FARS2: variants seen among roughly 807,000 people sequenced by gnomAD.
FARS2 encodes phenylalanyl-tRNA synthetase 2, mitochondrial.
In FARS2, 40 loss-of-function variants were observed where a neutral mutation model predicts 46.4. That is an observed-to-expected ratio of 0.86 (90% CI 0.67 to 1.12). The LOEUF (loss-of-function observed/expected upper bound fraction) is 1.12. FARS2 is among the 50% of genes most tolerant of loss of function. The probability of loss-of-function intolerance (pLI) is 0.00; values close to 1 mark genes in which losing one functional copy is unlikely to be tolerated. For missense variants in FARS2, 513 were observed against 567.9 expected, an observed-to-expected ratio of 0.90 and a Z score of 0.98; for synonymous variants, 234 against 214.9, an observed-to-expected ratio of 1.09 and a Z score of -0.78.
At chr6:5,525,181 A>G (rs1769382056) in intron 4 of FARS2, among the ~76,000 whole-genome samples, 1 of 147,098 alleles carries the variant, frequency 6.8e-6, no homozygotes, top group Non-Finnish European at 1.5e-5. Context: ...CATTCTTCCC[A>G]GCAAGCAGAG....
Position 5,710,970 on chromosome 6 carries a change from A to G in FARS2, c.1218-60321A>G, listed in dbSNP as rs552089537. Among the ~76,000 whole-genome samples, 3 of 152,356 alleles carry G rather than the reference A, an allele frequency of 2.0e-5. No individual in the cohort carries two copies. The East Asian group carries it at 5.8e-4, about 29-fold the overall frequency. On this transcript the variant is annotated intron_variant, in intron 6 of 6. Transcript: ENST00000274680. ...CAGCCCTGGACTGAAAGCTGCTAAC[A>G]GCTTAAAAAGCAAGTCTACAAGTCT...
intron 5 of FARS2, among the ~76,000 whole-genome samples, chr6:5,571,229 G>A (rs1772626467): frequency 6.6e-6 from 1 of 152,082 alleles, no homozygotes; most frequent in African/African-American, 2.4e-5. Flanking sequence ...CTATAGAAAT[G>A]TGTAAAACTA....
chr6:5,385,884 C>T (rs1760099743), intron 2 of FARS2, among the ~76,000 whole-genome samples: 1 of 152,142 alleles, frequency 6.6e-6, no homozygotes, highest in Admixed American at 6.5e-5. Context: ...AGATGACTGG[C>T]TTATCCCTGG....
intron 3 of FARS2, among the ~76,000 whole-genome samples, chr6:5,410,311 A>C (rs139972742): frequency 0.026 from 4,007 of 151,570 alleles, 66 homozygotes; most frequent in South Asian, 0.067. Flanking sequence ...GCGCCACCAC[A>C]CCTGGCTACT....
intron 5 of FARS2, among the ~76,000 whole-genome samples, chr6:5,607,765 C>G (rs528135900): frequency 1.3e-5 from 2 of 152,244 alleles, no homozygotes; most frequent in South Asian, 4.2e-4. Context: ...CTTTCATTCC[C>G]TGGGACTGAG....
At chr6:5,341,980 C>T (rs1771691645) in intron 1 of FARS2, among the ~76,000 whole-genome samples, 1 of 152,134 alleles carries the variant, frequency 6.6e-6, no homozygotes, top group Non-Finnish European at 1.5e-5. Context: ...AACTCAGTTT[C>T]TTTGTAAGGA....
At position 5,399,725 on chromosome 6, in the gene FARS2, A is replaced by G. The variant is rs147100212; in HGVS notation, c.613-4817A>G. On this transcript the variant is annotated intron_variant, in intron 2 of 6. Coordinates refer to ENST00000274680, the MANE Select transcript of FARS2 (RefSeq NM_006567.5). The stretch of plus-strand genomic sequence containing the variant: ...TTTCTTACATGAAAGGTAGCAAGTA[A>G]TATATGCCCTCTTGCACTTTGCCTT... 4.6e-5 allele frequency among the ~76,000 whole-genome samples: 7 copies of G among 152,296 alleles called. No homozygotes were observed. In the East Asian group the frequency reaches 1.3e-3, roughly 29 times the overall value.
intron 1 of FARS2, among the ~76,000 whole-genome samples, chr6:5,267,996 G>A (rs1765668123): frequency 6.6e-6 from 1 of 151,940 alleles, no homozygotes; most frequent in Non-Finnish European, 1.5e-5. Context: ...CTGCATAAAT[G>A]TCTTCTTTTG....
intron 1 of FARS2, among the ~76,000 whole-genome samples, chr6:5,322,201 GA>G (rs2127565831): frequency 6.6e-6 from 1 of 152,256 alleles, no homozygotes; most frequent in Admixed American, 6.5e-5. Context: ...GTCCAATAGG[GA>G]AATGATAAAA....
At chr6:5,283,946 T>C (rs900209102) in intron 1 of FARS2, among the ~76,000 whole-genome samples, 2 of 152,232 alleles carry the variant, frequency 1.3e-5, no homozygotes, top group African/African-American at 4.8e-5. Flanking sequence ...GTTTAAATTA[T>C]TGCTTGCCGA....
chr6:5,393,483 C>T (rs777999634), intron 2 of FARS2, among the ~76,000 whole-genome samples: 8 of 151,800 alleles, frequency 5.3e-5, no homozygotes, highest in South Asian at 2.1e-4. Context: ...GGTGAAACCC[C>T]GTCTCTACTA....
rs539487726 is a variant in FARS2, at chr6:5,592,175, A to G, written c.1066-20994A>G. On this transcript the variant is annotated intron_variant, in intron 5 of 6. Transcript: ENST00000274680. The stretch of plus-strand genomic sequence containing the variant: ...CAAGGTGGGAAGACTGCTTGAGCTC[A>G]GGAGTTTGAGACCAGCCTGGGCAAC... Among the ~76,000 whole-genome samples, 19 of 152,278 alleles carry G rather than the reference A, an allele frequency of 1.2e-4. No individual in the cohort carries two copies. The South Asian group carries it at 2.9e-3, about 23-fold the overall frequency.
At chr6:5,335,658 A>G (rs1202697913) in intron 1 of FARS2, among the ~76,000 whole-genome samples, 1 of 152,180 alleles carries the variant, frequency 6.6e-6, no homozygotes, top group Non-Finnish European at 1.5e-5. Context: ...GTTTGGTGAA[A>G]TCAAGTTTTA....
At chr6:5,387,063 A>G (rs1260488042) in intron 2 of FARS2, among the ~76,000 whole-genome samples, 1 of 152,196 alleles carries the variant, frequency 6.6e-6, no homozygotes, top group African/African-American at 2.4e-5. Flanking sequence ...AAGAGCTATC[A>G]ACCTAACTGT....
intron 4 of FARS2, among the ~76,000 whole-genome samples, chr6:5,440,469 G>A (rs977790532): frequency 1.4e-4 from 21 of 152,148 alleles, no homozygotes; most frequent in Non-Finnish European, 2.8e-4. Context: ...TGTGTCCTGT[G>A]CACTTGTCTT....
At chr6:5,528,449 A>C (rs1242429611) in intron 4 of FARS2, among the ~76,000 whole-genome samples, 1 of 152,150 alleles carries the variant, frequency 6.6e-6, no homozygotes, top group Non-Finnish European at 1.5e-5. Flanking sequence ...ATAGAACCTA[A>C]TTTCTAACAC....
At position 5,701,546 on chromosome 6, in the gene FARS2, AAACGTC is replaced by A. The variant is rs907848422; in HGVS notation, c.1218-69743_1218-69738del. Among the ~76,000 whole-genome samples the A allele has an allele frequency of 1.8e-4, 27 of 152,336 alleles. 1 individual carries two copies. Among genetic ancestry groups the A allele is most frequent in the Middle Eastern group, 6.8e-3 (2 of 294 alleles). On this transcript the variant is annotated intron_variant, in intron 6 of 6. Transcript: ENST00000274680. ...TCCAGGCGCAGAATAGATTGTACTG[AAACGTC>A]AGAAGCCAGATACCAGGTTCTCTCT...
chr6:5,652,943 C>A (rs1238653751), intron 6 of FARS2, among the ~76,000 whole-genome samples: 1 of 152,178 alleles, frequency 6.6e-6, no homozygotes, highest in Non-Finnish European at 1.5e-5. Flanking sequence ...GGGCAAGAGG[C>A]CAGTATCTTG....
intron 4 of FARS2, among the ~76,000 whole-genome samples, chr6:5,492,036 A>T (rs1185711821): frequency 6.6e-6 from 1 of 152,232 alleles, no homozygotes; most frequent in East Asian, 1.9e-4. Context: ...CTAAATGTGC[A>T]AAAGAACTAC....
Sources: gnomAD v4.1 joint callset for allele counts (sites outside exome capture counted in the v4.1 genomes callset) on GRCh38, gnomAD v4.1.1 for gene constraint, MANE v1.5 for transcripts, NCBI Gene and HGNC (gene_info 2026-07-23, HGNC 2026-07-21) for gene names.